Variants in NOD1 observed in about 807,000 individuals in gnomAD.
The protein encoded by NOD1 is nucleotide binding oligomerization domain containing 1, also known as nucleotide-binding oligomerization domain-containing protein 1.
In NOD1, 70 loss-of-function variants were observed where a neutral mutation model predicts 81.2. The ratio of observed to expected loss-of-function variants is 0.86; its 90% CI spans 0.71 to 1.05. The LOEUF (loss-of-function observed/expected upper bound fraction) is 1.05, where lower values mean the gene tolerates loss of function less well. Among genes scored for constraint, NOD1 ranks in the 50% least tolerant of loss-of-function variants. The pLI, the probability that NOD1 is intolerant of heterozygous loss-of-function variation, is 0.00. For missense variants in NOD1, 1,233 were observed against 1,228.0 expected, an observed-to-expected ratio of 1.00 and a Z score of -0.06; for synonymous variants, 508 against 526.9, an observed-to-expected ratio of 0.96 and a Z score of 0.49.
rs55808235 is a variant in NOD1, at chr7:30,452,327, T to A, written c.1090A>T (p.Met364Leu). Residue 364 changes from methionine (M) to leucine (L), a missense_variant, in exon 6 of 14, where the codon ATG becomes TTG. By Grantham distance (15) the Met-to-Leu change is conservative. Coordinates refer to ENST00000222823, the MANE Select transcript of NOD1 (RefSeq NM_006092.4). ...TCCTGCAGGGCCCGCTCGGGGAACA[T>A]CCTCCTGGCATAGGCGCGCAGGTGG... Reference protein sequence around the residue: ...PSHLRAYARRMFPERALQDRL... With the variant: ...PSHLRAYARRLFPERALQDRL... 466 of 1,613,328 alleles carry A rather than the reference T, an allele frequency of 2.9e-4. 6 individuals are homozygous for A. In the East Asian group the frequency reaches 8.4e-3, roughly 29 times the overall value.
intron 12 of NOD1, 83 bp downstream of exon 12, chr7:30,433,013 G>T: frequency 9.6e-7 from 1 of 1,044,732 alleles, no homozygotes; most frequent in South Asian, 1.4e-5. Flanking sequence ...TTAAGAGAGT[G>T]AATTTTACAG....
chr7:30,466,579 G>A (rs903168302), intron 1 of NOD1, among the ~76,000 whole-genome samples: 3 of 152,118 alleles, frequency 2.0e-5, no homozygotes, highest in Admixed American at 2.0e-4. Context: ...AGGATCACTT[G>A]AGCCCAGGAG....
Position 30,451,977 on chromosome 7 carries a change from C to G in NOD1, c.1440G>C (p.Gln480His). Residue 480 changes from glutamine to histidine, a missense_variant, in exon 6 of 14, where the codon CAG (glutamine) becomes CAC (histidine). Transcript: ENST00000222823. This position sits in a 1 kb window ranked among gnomAD's most constrained non-coding sequence, Gnocchi z 4.2. ...GMEKSLFVFT[Q>H]EEVQASGLQE... Reference sequence around the variant, plus strand: ...GCAGCCCGGAGGCCTGCACCTCCTCCTGGGTGAAGACAAAGAGGCTCTTCT... The same window carrying G: ...GCAGCCCGGAGGCCTGCACCTCCTCGTGGGTGAAGACAAAGAGGCTCTTCT... 6.2e-7 allele frequency: 1 copy of G among 1,613,610 alleles called. No individual in the cohort carries two copies. Among genetic ancestry groups the G allele is most frequent in the Non-Finnish European group, 8.5e-7 (1 of 1,180,004 alleles).
At chr7:30,449,544 GCCCT>G (rs1785464078) in intron 6 of NOD1, among the ~76,000 whole-genome samples, 2 of 152,166 alleles carry the variant, frequency 1.3e-5, no homozygotes, top group African/African-American at 4.8e-5. Context: ...AGTTTGAGCA[GCCCT>G]CTTGGGCCAA....
intron 3 of NOD1, among the ~76,000 whole-genome samples, chr7:30,458,015 C>A (rs150478678): frequency 7.9e-5 from 12 of 152,186 alleles, no homozygotes; most frequent in African/African-American, 2.9e-4. Flanking sequence ...GGAGAGCCGG[C>A]ACAGAGTTCC....
chr7:30,428,504 C>T (rs956142511), intron 13 of NOD1: 13 of 152,162 alleles, frequency 8.5e-5, no homozygotes, highest in Admixed American at 3.3e-4. Context: ...ACTTTCATAC[C>T]ATGCACATTG....
rs752664269 is a variant in NOD1 at position 30,429,392 on chromosome 7, G to C, written c.2771C>G (p.Thr924Ser). The C allele has an allele frequency of 7.4e-6, 12 of 1,613,892 alleles. No individual in the cohort carries two copies. The Admixed American group carries it at 1.8e-4, about 25-fold the overall frequency. ...ATCTTACCAAATCTCTGTTATGCCA[G>C]TGTTGCTCTGTAACGCATCTGCCAG... ...AQLADALQSN[T>S]GITEICLNGN... Residue 924 changes from threonine to serine, a missense_variant, in exon 13 of 14, where the codon ACT becomes AGT. By Grantham distance (58) the Thr-to-Ser change is moderately conservative. Transcript: ENST00000222823.
At chr7:30,445,278 T>TAAAAAAAAAAAAAAAAAA (rs55875433) in intron 9 of NOD1, among the ~76,000 whole-genome samples, 1 of 69,176 alleles carries the variant, frequency 1.4e-5, no homozygotes, top group Non-Finnish European at 2.5e-5. Flanking sequence ...AAAAAGAATC[T>TAAAAAAAAAAAAAAAAAA]AAAAAAAAAA....
intron 7 of NOD1, 112 bp from the exon 8 acceptor site, chr7:30,447,162 G>A: frequency 6.3e-7 from 1 of 1,575,220 alleles, no homozygotes; most frequent in Admixed American, 1.8e-5. Context: ...GGTTGAAAGG[G>A]GAACACACAG....
chr7:30,468,617 T>A (rs1353966404), intron 1 of NOD1, among the ~76,000 whole-genome samples: 1 of 152,216 alleles, frequency 6.6e-6, no homozygotes, highest in Non-Finnish European at 1.5e-5. Context: ...ATGAACTAAG[T>A]TAAAGCCATC....
At position 30,433,181 on chromosome 7, in the gene NOD1, T is replaced by C; in HGVS notation, c.2622-2A>G. 2 of 1,611,552 alleles carry C rather than the reference T, an allele frequency of 1.2e-6. No homozygotes were observed. The highest frequency in any genetic ancestry group is 1.7e-5 in the Admixed American group (1 of 59,592). On this transcript the variant is annotated splice_acceptor_variant, in intron 11 of 13. Coordinates refer to ENST00000222823, the MANE Select transcript of NOD1 (RefSeq NM_006092.4). LOFTEE classifies it high-confidence loss of function. ...TCGTTGAGTTCATTTTGGGTCAGCC[T>C]AAGGAAAAAAAAGGAAGTATTTACT...
chr7:30,461,007 A>G (rs1787002262), intron 1 of NOD1, among the ~76,000 whole-genome samples: 1 of 152,234 alleles, frequency 6.6e-6, no homozygotes, highest in African/African-American at 2.4e-5. Flanking sequence ...AAAGGAGACC[A>G]TAGAGCAGCT....
chr7:30,426,226 T>C (rs1783440973), intron 13 of NOD1, among the ~76,000 whole-genome samples: 1 of 152,072 alleles, frequency 6.6e-6, no homozygotes, highest in Non-Finnish European at 1.5e-5. Context: ...TGGAGGCAGT[T>C]ACCTGCTTGG....
rs2127977622 is a variant in NOD1, at chr7:30,425,713, G to A, written c.2790-3C>T. On this transcript the variant is annotated splice_polypyrimidine_tract_variant and splice_region_variant and intron_variant, in intron 13 of 13. Transcript: ENST00000222823. Reference sequence around the variant, plus strand: ...GTTTTATCAGGTTTCCATTTAGGCTGTTGAAAAGGAGGAAGACAAAAGTAC... The same window carrying A: ...GTTTTATCAGGTTTCCATTTAGGCTATTGAAAAGGAGGAAGACAAAAGTAC... 1.2e-6 allele frequency: 2 copies of A among 1,610,102 alleles called. No homozygotes were observed. Among genetic ancestry groups the A allele is most frequent in the Non-Finnish European group, 1.7e-6 (2 of 1,176,306 alleles).
chr7:30,447,113 T>G, intron 7 of NOD1, 63 bp from the exon 8 acceptor site: 1 of 1,611,984 alleles, frequency 6.2e-7, no homozygotes, highest in Non-Finnish European at 8.5e-7. Context: ...TAGCCCCTGT[T>G]TTTTGAAGCA....
At position 30,452,591 on chromosome 7, in the gene NOD1, G is replaced by A. The variant is rs755481049; in HGVS notation, c.826C>T (p.Pro276Ser). Residue 276 changes from proline to serine, a missense_variant, in exon 6 of 14, where the codon CCC (proline) becomes TCC (serine). Transcript: ENST00000222823. Reference sequence around the variant, plus strand: ...TCGAAGGTGAAGAGGGCCACGTGGGGGAAGCGCAGCAGGAAGGCAAACACC... The same window carrying A: ...TCGAAGGTGAAGAGGGCCACGTGGGAGAAGCGCAGCAGGAAGGCAAACACC... Reference protein sequence around the residue: ...EEVFAFLLRFPHVALFTFDGL... With the variant: ...EEVFAFLLRFSHVALFTFDGL... 6.2e-7 allele frequency: 1 copy of A among 1,613,616 alleles called. No homozygotes were observed. Among genetic ancestry groups the A allele is most frequent in the Non-Finnish European group, 8.5e-7 (1 of 1,180,016 alleles).
In NOD1 at chr7:30,457,965, G is replaced by C. The variant is rs1196429221; in HGVS notation, c.-121-923C>G. On this transcript the variant is annotated intron_variant, in intron 3 of 13. Coordinates refer to ENST00000222823, the MANE Select transcript of NOD1 (RefSeq NM_006092.4). ...GGAAAAGCAATAGCCCATGTGGCAT[G>C]AAGTGGGACAGAGGGAGGGCAGAGG... Among the ~76,000 whole-genome samples, 5 of 152,308 alleles carry C rather than the reference G, an allele frequency of 3.3e-5. No individual in the cohort carries two copies. The East Asian group carries it at 9.6e-4, about 29-fold the overall frequency.
At chr7:30,475,522 C>T (rs1338406056) in intron 1 of NOD1, among the ~76,000 whole-genome samples, 2 of 152,170 alleles carry the variant, frequency 1.3e-5, no homozygotes, top group South Asian at 2.1e-4. Flanking sequence ...CAGTATAATA[C>T]AAAATTGCCT....
chr7:30,464,239 T>A (rs1273111876), intron 1 of NOD1, among the ~76,000 whole-genome samples: 1 of 152,222 alleles, frequency 6.6e-6, no homozygotes, highest in African/African-American at 2.4e-5. Flanking sequence ...CTGCCTGAAC[T>A]GCTAAAGCAA....
Sources: gnomAD v4.1 joint callset for allele counts (sites outside exome capture counted in the v4.1 genomes callset) on GRCh38, gnomAD v4.1.1 for gene constraint, Gnocchi (gnomAD v3.1) non-coding constraint, MANE v1.5 for transcripts, NCBI Gene and HGNC (gene_info 2026-07-23, HGNC 2026-07-21) for gene names.